TENM1: variants seen among roughly 807,000 people sequenced by gnomAD.
TENM1 encodes the protein teneurin transmembrane protein 1.
A neutral mutation model predicts 174.8 loss-of-function variants in TENM1; 35 were observed. The ratio of observed to expected loss-of-function variants is 0.20; its 90% CI spans 0.15 to 0.27. The LOEUF (loss-of-function observed/expected upper bound fraction) is 0.27. Ranked by LOEUF, TENM1 falls within the 10% of genes least tolerant of loss-of-function variation. TENM1 has a pLI of 1.00. For missense variants in TENM1, 1,633 were observed against 2,130.1 expected (o/e 0.77, Z 4.59); for synonymous variants, 781 against 798.7 (o/e 0.98, Z 0.37).
At chrX:124,863,032 G>C (rs2056941510) in intron 3 of TENM1, among the ~76,000 whole-genome samples, 1 of 108,622 alleles carries the variant, frequency 9.2e-6, no homozygotes, top group African/African-American at 3.4e-5. Flanking sequence ...GGGCCAGAAG[G>C]GAACCTGCTG....
chrX:125,187,026 G>C, the TENM1 span, among the ~76,000 whole-genome samples: 1 of 112,068 alleles, frequency 8.9e-6, no homozygotes, highest in African/African-American at 3.2e-5. Flanking sequence ...GCTTTGAGAG[G>C]CTGAGGCGGG....
chrX:124,523,721 G>T (rs1363873549), intron 16 of TENM1, 96 bp from the exon 20 acceptor site: 4 of 890,754 alleles, frequency 4.5e-6, no homozygotes, highest in Non-Finnish European at 6.2e-6. Context: ...TCCTTTTTGG[G>T]GGGACTCAAC....
intron 27 of TENM1, among the ~76,000 whole-genome samples, chrX:124,401,255 T>G (rs2060396344): frequency 8.9e-6 from 1 of 112,168 alleles, no homozygotes; most frequent in Non-Finnish European, 1.9e-5. Flanking sequence ...TCTATCATCT[T>G]ACCAAATGGG....
At chrX:124,511,047 C>T (rs1277178410) in intron 18 of TENM1, among the ~76,000 whole-genome samples, 3 of 111,884 alleles carry the variant, frequency 2.7e-5, no homozygotes. Context: ...GGAACTCTTA[C>T]TTTTGGATAT....
chrX:124,903,289 C>T (rs1189938773), intron 1 of TENM1, among the ~76,000 whole-genome samples: 1 of 111,420 alleles, frequency 9.0e-6, no homozygotes. Flanking sequence ...TGCTTTGTGA[C>T]CAATATTAGC....
chrX:124,615,135 T>C (rs1486160245), intron 11 of TENM1, among the ~76,000 whole-genome samples: 1 of 112,290 alleles, frequency 8.9e-6, no homozygotes, highest in African/African-American at 3.2e-5. Context: ...CGCTTACTTT[T>C]TAAAAAAATA....
chrX:124,822,902 A>C (rs2056072372), intron 3 of TENM1, among the ~76,000 whole-genome samples: 1 of 111,980 alleles, frequency 8.9e-6, no homozygotes, highest in Admixed American at 9.5e-5. Context: ...TTTACCTACA[A>C]TCCTGCTATC....
At chrX:124,655,625 C>G (rs973025014) in intron 6 of TENM1, among the ~76,000 whole-genome samples, 1 of 112,276 alleles carries the variant, frequency 8.9e-6, no homozygotes, top group African/African-American at 3.2e-5. Flanking sequence ...GTGGCCAATG[C>G]CTTGCAGCTT....
intron 3 of TENM1, among the ~76,000 whole-genome samples, chrX:124,827,877 T>G (rs993467007): frequency 5.4e-5 from 6 of 111,849 alleles, no homozygotes; most frequent in Non-Finnish European, 9.4e-5. Flanking sequence ...TTAAGAAAAC[T>G]CAATATATTT....
At chrX:124,589,780 A>G (rs1050393238) in intron 11 of TENM1, among the ~76,000 whole-genome samples, 48 of 110,406 alleles carry the variant, frequency 4.3e-4, no homozygotes, top group African/African-American at 1.5e-3. Flanking sequence ...GTTATTTCTG[A>G]TTGTGCTTAT....
chrX:124,844,195 T>C (rs2056561768), intron 3 of TENM1, among the ~76,000 whole-genome samples: 1 of 112,097 alleles, frequency 8.9e-6, no homozygotes, highest in Non-Finnish European at 1.9e-5. Context: ...CACTAGATCT[T>C]TTTTAGCCAA....
At chrX:124,740,257 G>A (rs1013703712) in intron 3 of TENM1, among the ~76,000 whole-genome samples, 1 of 111,815 alleles carries the variant, frequency 8.9e-6, no homozygotes, top group African/African-American at 3.3e-5. Flanking sequence ...ATCAGTAGGG[G>A]TTTCTGTCAG....
the TENM1 span, among the ~76,000 whole-genome samples, chrX:125,139,591 G>T: frequency 1.8e-5 from 2 of 110,648 alleles, no homozygotes; most frequent in African/African-American, 6.6e-5. Context: ...AGATGGCTAG[G>T]GAGTCCCAAA....
chrX:124,658,917 C>T (rs189172024), intron 6 of TENM1, among the ~76,000 whole-genome samples: 143 of 112,012 alleles, frequency 1.3e-3, no homozygotes, highest in Non-Finnish European at 2.3e-3. Context: ...AGACACAATT[C>T]TCTATTTAGA....
At chrX:124,838,964 C>T (rs950757710) in intron 3 of TENM1, among the ~76,000 whole-genome samples, 1 of 111,129 alleles carries the variant, frequency 9.0e-6, no homozygotes, top group Admixed American at 9.6e-5. Flanking sequence ...CCCAAAGAAA[C>T]TCCCATTTGT....
chrX:124,679,041 A>T (rs2052163563), intron 5 of TENM1, among the ~76,000 whole-genome samples: 1 of 111,909 alleles, frequency 8.9e-6, no homozygotes, highest in South Asian at 3.7e-4. Flanking sequence ...TGCACCTTGA[A>T]ATGCAAAGAT....
Position 124,826,695 on chromosome X carries a change from T to A in TENM1, c.535+67601A>T, listed in dbSNP as rs1297093954. ...CTTTCTGGGTTGTGACAGAATAGTT[T>A]CCCCCCTTGCATTTTTATATTTTTC... On this transcript the variant is annotated intron_variant, in intron 3 of 31. Coordinates refer to ENST00000422452, the Ensembl canonical transcript of TENM1. Among the ~76,000 whole-genome samples, 5 of 111,804 alleles carry A rather than the reference T, an allele frequency of 4.5e-5. 1 individual carries two copies. The highest frequency in any genetic ancestry group is 9.2e-3 in the Middle Eastern group (2 of 218).
At chrX:124,657,886 T>C (rs1000920443) in intron 6 of TENM1, among the ~76,000 whole-genome samples, 3 of 112,436 alleles carry the variant, frequency 2.7e-5, no homozygotes, top group Non-Finnish European at 5.6e-5. Flanking sequence ...ATTCAGAGCA[T>C]ATTTGTCCTT....
the TENM1 span, among the ~76,000 whole-genome samples, chrX:125,156,631 T>C: frequency 8.9e-6 from 1 of 112,365 alleles, no homozygotes; most frequent in Non-Finnish European, 1.9e-5. Flanking sequence ...AGTGTATATA[T>C]ACTACATTTT....
Sources: allele counts gnomAD v4.1 joint callset (sites outside exome capture counted in the v4.1 genomes callset), GRCh38; gene constraint gnomAD v4.1.1; transcripts MANE v1.5; gene names NCBI Gene and HGNC (gene_info 2026-07-23, HGNC 2026-07-21).